Variants in FCHSD2 observed in about 807,000 individuals in gnomAD.
The protein encoded by FCHSD2 is F-BAR and double SH3 domains protein 2.
Under a neutral mutation model 108.1 loss-of-function variants are expected in FCHSD2, and 38 were observed. The ratio of observed to expected loss-of-function variants is 0.35; its 90% CI spans 0.27 to 0.46. FCHSD2 has a LOEUF of 0.46. Ranked by LOEUF, FCHSD2 falls within the 20% of genes least tolerant of loss-of-function variation. The pLI is 1.00. For synonymous variants in FCHSD2, 279 were observed against 314.7 expected, an observed-to-expected ratio of 0.89 and a Z score of 1.20; for missense variants, 751 against 897.8, an observed-to-expected ratio of 0.84 and a Z score of 2.09.
At chr11:72,909,649 C>T (rs1185761249) in intron 9 of FCHSD2, among the ~76,000 whole-genome samples, 1 of 151,364 alleles carries the variant, frequency 6.6e-6, no homozygotes, top group Non-Finnish European at 1.5e-5. Context: ...GGCCGGCCGC[C>T]ACCCTGTCTG....
At chr11:72,903,680 G>A (rs1191848641) in intron 9 of FCHSD2, among the ~76,000 whole-genome samples, 4 of 151,984 alleles carry the variant, frequency 2.6e-5, no homozygotes, top group Non-Finnish European at 4.4e-5. Context: ...CTACCATATC[G>A]CTTACCCCTT....
At chr11:72,911,139 T>G (rs1380017169) in intron 9 of FCHSD2, among the ~76,000 whole-genome samples, 1 of 152,228 alleles carries the variant, frequency 6.6e-6, no homozygotes, top group Non-Finnish European at 1.5e-5. Context: ...GATTTAAGTC[T>G]TTAATCCATT....
At chr11:72,994,035 T>C (rs1418049573) in intron 5 of FCHSD2, among the ~76,000 whole-genome samples, 1 of 152,184 alleles carries the variant, frequency 6.6e-6, no homozygotes, top group Non-Finnish European at 1.5e-5. Flanking sequence ...TGTAAAAAAT[T>C]TTAGTCTCCT....
At chr11:72,910,364 G>A (rs1451732323) in intron 9 of FCHSD2, among the ~76,000 whole-genome samples, 4 of 152,186 alleles carry the variant, frequency 2.6e-5, no homozygotes, top group South Asian at 2.1e-4. Context: ...CCATGATGAC[G>A]ATGGCGGTTT....
At chr11:73,014,743 G>A (rs769262565) in intron 4 of FCHSD2, among the ~76,000 whole-genome samples, 43 of 152,152 alleles carry the variant, frequency 2.8e-4, no homozygotes, top group Non-Finnish European at 3.5e-4. Flanking sequence ...TAACCAGACT[G>A]CAAGCTCTGA....
chr11:73,033,767 G>C (rs910536379), intron 3 of FCHSD2, among the ~76,000 whole-genome samples: 8 of 152,186 alleles, frequency 5.3e-5, no homozygotes, highest in Admixed American at 5.2e-4. Context: ...TGCCTTTGCT[G>C]TGAATTAGTT....
chr11:72,958,948 G>A (rs890879466), intron 8 of FCHSD2, among the ~76,000 whole-genome samples: 5 of 151,054 alleles, frequency 3.3e-5, no homozygotes, highest in African/African-American at 1.2e-4. Context: ...TTATTTTCTT[G>A]CTTCGGCACT....
intron 8 of FCHSD2, among the ~76,000 whole-genome samples, chr11:72,962,728 A>G (rs1166870007): frequency 1.3e-5 from 2 of 152,156 alleles, no homozygotes; most frequent in East Asian, 1.9e-4. Context: ...AAAAATACCA[A>G]TAATCATCAG....
intron 6 of FCHSD2, among the ~76,000 whole-genome samples, chr11:72,985,740 C>T (rs1379026252): frequency 6.6e-6 from 1 of 152,134 alleles, no homozygotes; most frequent in Non-Finnish European, 1.5e-5. Context: ...GTTCTTATTT[C>T]CCTTGATCCT....
At chr11:73,047,917 T>C (rs539315785) in intron 3 of FCHSD2, among the ~76,000 whole-genome samples, 1 of 152,318 alleles carries the variant, frequency 6.6e-6, no homozygotes, top group East Asian at 1.9e-4. Context: ...AATCCCAATA[T>C]GCAGAGGGGG....
At chr11:73,039,157 G>A (rs1263243107) in intron 3 of FCHSD2, among the ~76,000 whole-genome samples, 1 of 152,168 alleles carries the variant, frequency 6.6e-6, no homozygotes, top group African/African-American at 2.4e-5. Context: ...TAAGAGTCTA[G>A]TTCAAGACTG....
chr11:73,123,583 T>C (rs761079492), intron 2 of FCHSD2, among the ~76,000 whole-genome samples: 3 of 152,236 alleles, frequency 2.0e-5, no homozygotes, highest in Non-Finnish European at 4.4e-5. Context: ...GAATAAGCTA[T>C]GTTTAATTCT....
At chr11:73,048,045 G>A (rs1333623713) in intron 3 of FCHSD2, among the ~76,000 whole-genome samples, 1 of 151,878 alleles carries the variant, frequency 6.6e-6, no homozygotes, top group African/African-American at 2.4e-5. Context: ...GTGAAAACAT[G>A]AGTTATTTCT....
At chr11:72,896,277 T>C (rs185939617) in intron 10 of FCHSD2, among the ~76,000 whole-genome samples, 105 of 152,330 alleles carry the variant, frequency 6.9e-4, no homozygotes, top group African/African-American at 2.4e-3. Context: ...AAGGGGAAAG[T>C]GTATTCTCAT....
intron 9 of FCHSD2, among the ~76,000 whole-genome samples, chr11:72,913,694 T>A (rs185045994): frequency 1.3e-5 from 2 of 152,306 alleles, no homozygotes; most frequent in Admixed American, 1.3e-4. Flanking sequence ...TGATTTTATT[T>A]ATTTGGTTAT....
At chr11:72,861,997 G>T (rs942801444) in intron 13 of FCHSD2, among the ~76,000 whole-genome samples, 4 of 151,542 alleles carry the variant, frequency 2.6e-5, no homozygotes, top group African/African-American at 9.7e-5. Context: ...TGTGAAGCTG[G>T]TTTAATATCT....
chr11:73,129,092 C>T (rs1045956068), intron 2 of FCHSD2, among the ~76,000 whole-genome samples: 2 of 152,034 alleles, frequency 1.3e-5, no homozygotes, highest in Non-Finnish European at 2.9e-5. Flanking sequence ...AGGATGGTCT[C>T]GATCTCCTGA....
chr11:73,020,092 T>C (rs1858065940), intron 3 of FCHSD2, among the ~76,000 whole-genome samples: 1 of 152,206 alleles, frequency 6.6e-6, no homozygotes, highest in African/African-American at 2.4e-5. Flanking sequence ...GTACTATCAA[T>C]ATACTCTTTG....
intron 8 of FCHSD2, among the ~76,000 whole-genome samples, chr11:72,923,350 T>C (rs771089481): frequency 2.0e-5 from 3 of 152,240 alleles, no homozygotes; most frequent in Non-Finnish European, 4.4e-5. Flanking sequence ...ATGATAACTC[T>C]ATGTTTAATT....
Sources: gnomAD v4.1 joint callset for allele counts (sites outside exome capture counted in the v4.1 genomes callset) on GRCh38, gnomAD v4.1.1 for gene constraint, MANE v1.5 for transcripts, NCBI Gene and HGNC (gene_info 2026-07-23, HGNC 2026-07-21) for gene names.